Variants in AP3D1 observed in about 807,000 individuals in gnomAD.
AP3D1 encodes AP-3 complex subunit delta-1.
In AP3D1, 51 loss-of-function variants were observed where a neutral mutation model predicts 147.6. The ratio of observed to expected loss-of-function variants is 0.35; its 90% CI spans 0.28 to 0.44. AP3D1 has a LOEUF of 0.44. Ranked by LOEUF, AP3D1 falls within the 20% of genes least tolerant of loss-of-function variation. AP3D1 has a pLI of 1.00. For missense variants in AP3D1, 1,421 were observed against 1,624.2 expected, an observed-to-expected ratio of 0.87 and a Z score of 2.15; for synonymous variants, 760 against 663.0, an observed-to-expected ratio of 1.15 and a Z score of -2.25.
chr19:2,118,238 C>T (rs2018512430), intron 15 of AP3D1, among the ~76,000 whole-genome samples: 1 of 152,200 alleles, frequency 6.6e-6, no homozygotes, highest in Non-Finnish European at 1.5e-5. Flanking sequence ...CACAGGTGTA[C>T]AGTCTGCTCA....
chr19:2,130,972 A>G (rs993646973), intron 5 of AP3D1, among the ~76,000 whole-genome samples: 29 of 152,232 alleles, frequency 1.9e-4, no homozygotes, highest in Admixed American at 1.3e-3. Context: ...GAGCCAATCC[A>G]TGATGGGGCA....
chr19:2,122,124 T>C (rs1007581163), intron 11 of AP3D1, among the ~76,000 whole-genome samples: 3 of 152,120 alleles, frequency 2.0e-5, no homozygotes, highest in Non-Finnish European at 4.4e-5. Flanking sequence ...AGGCCTCCCC[T>C]ACCTACTACC....
chr19:2,140,961 G>A (rs576486608), intron 1 of AP3D1, among the ~76,000 whole-genome samples: 7 of 151,970 alleles, frequency 4.6e-5, no homozygotes, highest in South Asian at 2.1e-4. Flanking sequence ...GTTTCGCCAC[G>A]TTGGCCAGGC....
chr19:2,121,973 G>C, intron 11 of AP3D1, 94 bp from the exon 12 acceptor site: 2 of 1,434,466 alleles, frequency 1.4e-6, no homozygotes, highest in South Asian at 2.9e-5. Context: ...TCTCCACCTC[G>C]GGAGGCTGCC....
intron 1 of AP3D1, among the ~76,000 whole-genome samples, chr19:2,144,172 G>C (rs1469035127): frequency 2.6e-5 from 4 of 151,958 alleles, no homozygotes; most frequent in African/African-American, 4.8e-5. Context: ...TCCTGCCCAG[G>C]ATAAGTTACT....
chr19:2,151,243 T>C lies in AP3D1; in HGVS notation c.92A>G (p.Asp31Gly). Reference sequence around the variant, plus strand: ...CCCTTGGCGCGCCGGGCTCACCTCGTCCTCCTTGTGGTTACGGATGCCGCG... The same window carrying C: ...CCCTTGGCGCGCCGGGCTCACCTCGCCCTCCTTGTGGTTACGGATGCCGCG... ...LVRGIRNHKE[D>G]EAKYISQCID... Residue 31 changes from aspartate (D) to glycine (G), a missense_variant, in exon 1 of 32, where the codon GAC becomes GGC. Asp to Gly is a moderately conservative substitution (Grantham distance 94). Around this residue, in one of 6 missense-constraint regions of AP3D1, gnomAD observed 292 missense variants for 412.0 expected, o/e 0.71. Transcript: ENST00000643116. 1 of 1,610,704 alleles carries C rather than the reference T, an allele frequency of 6.2e-7. No individual in the cohort carries two copies. Among genetic ancestry groups the C allele is most frequent in the African/African-American group, 1.3e-5 (1 of 74,616 alleles).
At chr19:2,153,465 C>T (rs1026184222), upstream of AP3D1, among the ~76,000 whole-genome samples, 1 of 152,050 alleles carries the variant, frequency 6.6e-6, no homozygotes, top group East Asian at 1.9e-4. Context: ...CACTTGAGGT[C>T]AGGAGTTTGA....
At chr19:2,140,771 T>TC in intron 1 of AP3D1, among the ~76,000 whole-genome samples, 1 of 144,462 alleles carries the variant, frequency 6.9e-6, no homozygotes, top group Admixed American at 6.9e-5. Flanking sequence ...TTTTTTTTTT[T>TC]TTTTTTGAGA....
intron 24 of AP3D1, 124 bp downstream of exon 24, chr19:2,112,736 G>A (rs945781424): frequency 1.8e-5 from 12 of 649,778 alleles, no homozygotes; most frequent in South Asian, 2.1e-5. Context: ...CCGTGAGAAC[G>A]CCAACACAAA....
chr19:2,115,242 T>TG lies in AP3D1; in HGVS notation c.2325dup (p.Ile776HisfsTer8). The TG allele has an allele frequency of 6.2e-7, 1 of 1,613,452 alleles. No homozygotes were observed. Among genetic ancestry groups the TG allele is most frequent in the Non-Finnish European group, 8.5e-7 (1 of 1,179,980 alleles). On this transcript the variant is annotated frameshift_variant, in exon 20 of 32. Transcript: ENST00000643116. LOFTEE classifies it high-confidence loss of function. ...ACCTCAGGCATCTCCTCTGTGACGA[T>TG]GTCCACCTGCTGGGCAGGGGCGATG...
chr19:2,123,687 A>G, intron 10 of AP3D1, 143 bp downstream of exon 10: 1 of 997,548 alleles, frequency 1.0e-6, no homozygotes, highest in Non-Finnish European at 1.5e-6. Flanking sequence ...TAGTGCACAC[A>G]GGACGCGGCT....
intron 1 of AP3D1, among the ~76,000 whole-genome samples, chr19:2,148,591 CGT>C (rs1455382097): frequency 1.3e-5 from 2 of 152,218 alleles, no homozygotes; most frequent in Admixed American, 1.3e-4. Flanking sequence ...CAGAAAACCG[CGT>C]GTCACTGCAG....
intron 9 of AP3D1, 43 bp downstream of exon 9, chr19:2,127,109 G>A: frequency 6.2e-7 from 1 of 1,606,546 alleles, no homozygotes; most frequent in Non-Finnish European, 8.5e-7. Context: ...ACCCCAGCCT[G>A]GCAGTGCCAG....
At chr19:2,124,152 AC>A (rs2018688388) in intron 9 of AP3D1, among the ~76,000 whole-genome samples, 1 of 152,102 alleles carries the variant, frequency 6.6e-6, no homozygotes, top group South Asian at 2.1e-4. Flanking sequence ...TTCACTCGCA[AC>A]CCCTGCTTCC....
At chr19:2,132,628 TC>T (rs1375280170) in intron 4 of AP3D1, 50 bp from the exon 5 acceptor site, 1 of 1,529,456 alleles carries the variant, frequency 6.5e-7, no homozygotes, top group Non-Finnish European at 9.0e-7. Flanking sequence ...GGGTGGCACA[TC>T]CGACGCCTGG....
chr19:2,111,792 CCTT>C lies in AP3D1; in HGVS notation c.2821_2823del (p.Lys941del). On this transcript the variant is annotated inframe_deletion, in exon 25 of 32. Coordinates refer to ENST00000643116, the MANE Select transcript of AP3D1 (RefSeq NM_001261826.3). ...TTGCCTTTGGTCCGCTCCTCCTTCTCCTTCCTGTGCTTCTTCTTCTTAGGCTTG... is the reference window on the plus strand; with the variant it reads ...TTGCCTTTGGTCCGCTCCTCCTTCTCCCTGTGCTTCTTCTTCTTAGGCTTG... The C allele has an allele frequency of 6.2e-7, 1 of 1,613,934 alleles. No homozygotes were observed. Among genetic ancestry groups the C allele is most frequent in the South Asian group, 1.1e-5 (1 of 91,054 alleles).
chr19:2,116,950 G>A, intron 16 of AP3D1: 1 of 874,260 alleles, frequency 1.1e-6, no homozygotes, highest in Non-Finnish European at 1.7e-6. Context: ...GGGTCACAGT[G>A]GGGCCCCCAC....
chr19:2,103,430 G>A (rs1245400935), intron 31 of AP3D1, among the ~76,000 whole-genome samples: 1 of 152,136 alleles, frequency 6.6e-6, no homozygotes, highest in African/African-American at 2.4e-5. Flanking sequence ...TCCTGCCACT[G>A]GGCCCCTGAA....
intron 1 of AP3D1, among the ~76,000 whole-genome samples, chr19:2,150,412 G>A (rs1469403844): frequency 1.3e-5 from 2 of 152,200 alleles, no homozygotes; most frequent in African/African-American, 2.4e-5. Flanking sequence ...GTCACAGGTT[G>A]GGGGAAGGGA....
Sources: allele counts gnomAD v4.1 joint callset (sites outside exome capture counted in the v4.1 genomes callset), GRCh38; gene constraint gnomAD v4.1.1; regional missense constraint gnomAD v4.1.1; transcripts MANE v1.5; gene names NCBI Gene and HGNC (gene_info 2026-07-23, HGNC 2026-07-21).